The following MOB3B variants were observed in gnomAD, a reference collection of about 807,000 sequenced individuals.
MOB3B encodes MOB kinase activator-like 2B.
A neutral mutation model predicts 18.7 loss-of-function variants in MOB3B; 7 were observed. That is an observed-to-expected ratio of 0.37 (90% CI 0.21 to 0.70). The LOEUF is 0.70. MOB3B is among the 30% of genes least tolerant of loss of function. The probability of loss-of-function intolerance (pLI) is 0.52; values close to 1 mark genes in which losing one functional copy is unlikely to be tolerated. For missense variants in MOB3B, 253 were observed against 281.3 expected (o/e 0.90, Z 0.72); for synonymous variants, 111 against 99.9 (o/e 1.11, Z -0.66).
At chr9:27,337,468 C>A (rs1268566873) in intron 3 of MOB3B, among the ~76,000 whole-genome samples, 1 of 152,222 alleles carries the variant, frequency 6.6e-6, no homozygotes, top group East Asian at 1.9e-4. Context: ...CCCCTCCCAA[C>A]AGGGTCCTCA....
Position 27,455,503 on chromosome 9 carries a change from T to G in MOB3B, c.48A>C (p.Arg16=). The G allele has an allele frequency of 6.2e-7, 1 of 1,614,190 alleles. No homozygotes were observed. The highest frequency in any genetic ancestry group is 1.3e-5 in the African/African-American group (1 of 75,044). ...KQVFNKDKTF[R]PKRKFEPGTQ... ...TGCCAGGTTCAAATTTCCTCTTGGGTCGGAAGGTCTTGTCCTTGTTGAATA... is the reference window on the plus strand; with the variant it reads ...TGCCAGGTTCAAATTTCCTCTTGGGGCGGAAGGTCTTGTCCTTGTTGAATA... Residue 16 remains arginine (R), a synonymous_variant, in exon 2 of 4, where the codon CGA becomes CGC. Transcript: ENST00000262244.
At chr9:27,425,451 T>A (rs774871601) in intron 2 of MOB3B, among the ~76,000 whole-genome samples, 42 of 151,606 alleles carry the variant, frequency 2.8e-4, no homozygotes, top group Non-Finnish European at 5.1e-4. Context: ...AAATTCAGGA[T>A]TTCTCAGAAT....
chr9:27,342,389 G>C lies in MOB3B; in HGVS notation c.622-11773C>G, dbSNP rs182486569. On this transcript the variant is annotated intron_variant, in intron 3 of 3. Coordinates refer to ENST00000262244, the MANE Select transcript of MOB3B (RefSeq NM_024761.5). Reference sequence around the variant, plus strand: ...AAAACGCTTCTAAAACAAGAGTGGAGTGAACTCTACATGCCTATAGTCCCT... The same window carrying C: ...AAAACGCTTCTAAAACAAGAGTGGACTGAACTCTACATGCCTATAGTCCCT... Among the ~76,000 whole-genome samples, 573 of 152,284 alleles carry C rather than the reference G, an allele frequency of 3.8e-3. 4 individuals are homozygous for C. Among genetic ancestry groups the C allele is most frequent in the African/African-American group, 0.012 (515 of 41,548 alleles).
intron 2 of MOB3B, among the ~76,000 whole-genome samples, chr9:27,420,823 G>T (rs866525712): frequency 7.1e-6 from 1 of 141,076 alleles, no homozygotes; most frequent in African/African-American, 2.5e-5. Context: ...AGGGATAAAA[G>T]ACTTCAAATA....
At chr9:27,460,635 G>A (rs796483418) in intron 1 of MOB3B, among the ~76,000 whole-genome samples, 10 of 152,248 alleles carry the variant, frequency 6.6e-5, no homozygotes, top group Admixed American at 3.3e-4. Context: ...GAAAGGAGAG[G>A]GACTGAAGCT....
intron 2 of MOB3B, among the ~76,000 whole-genome samples, chr9:27,395,963 C>T (rs1367425666): frequency 6.6e-6 from 1 of 152,096 alleles, no homozygotes; most frequent in Non-Finnish European, 1.5e-5. Context: ...GTGAGGAAAT[C>T]ACAATTATTG....
intron 1 of MOB3B, among the ~76,000 whole-genome samples, chr9:27,523,464 C>CAAAAAAAAAAAAAAAAAAAAAAAAAAAAA (rs55637136): frequency 2.1e-5 from 3 of 141,684 alleles, no homozygotes; most frequent in African/African-American, 5.3e-5. Context: ...TAAACTGCAC[C>CAAAAAAAAAAAAAAAAAAAAAAAAAAAAA]AAAAAAAAAA....
chr9:27,528,880 T>G (rs1820483547), intron 1 of MOB3B, among the ~76,000 whole-genome samples: 1 of 151,898 alleles, frequency 6.6e-6, no homozygotes, highest in South Asian at 2.1e-4. Context: ...GAAGGGGCAA[T>G]CAAAGAAAAC....
At chr9:27,522,535 T>C (rs993695347) in intron 1 of MOB3B, among the ~76,000 whole-genome samples, 3 of 151,564 alleles carry the variant, frequency 2.0e-5, no homozygotes, top group African/African-American at 7.3e-5. Flanking sequence ...TCTATCCAAG[T>C]GACCAAATAT....
chr9:27,385,124 G>A (rs1177773888), intron 2 of MOB3B, among the ~76,000 whole-genome samples: 1 of 152,162 alleles, frequency 6.6e-6, no homozygotes, highest in Non-Finnish European at 1.5e-5. Context: ...AAGGGGATGA[G>A]GAGGGGGGCA....
chr9:27,370,311 C>G (rs1029506144), intron 2 of MOB3B, among the ~76,000 whole-genome samples: 2 of 152,030 alleles, frequency 1.3e-5, no homozygotes, highest in African/African-American at 2.4e-5. Flanking sequence ...GAATTCAAGA[C>G]CGGCCTGACC....
chr9:27,361,769 A>G (rs1049277890), intron 2 of MOB3B, among the ~76,000 whole-genome samples: 5 of 152,240 alleles, frequency 3.3e-5, no homozygotes, highest in African/African-American at 1.2e-4. Context: ...TTAGCCAGTT[A>G]GTCTGACTCC....
intron 1 of MOB3B, chr9:27,526,234 C>G (rs893499141): frequency 4.0e-4 from 61 of 152,230 alleles, no homozygotes; most frequent in Middle Eastern, 3.4e-3. Context: ...CAAATTTCAG[C>G]CAAGAAGTTA....
At chr9:27,447,371 G>A (rs1822708921) in intron 2 of MOB3B, among the ~76,000 whole-genome samples, 1 of 152,162 alleles carries the variant, frequency 6.6e-6, no homozygotes, top group Non-Finnish European at 1.5e-5. Context: ...GGCTACAAAT[G>A]ACAAATGACG....
At chr9:27,403,516 ATTTTTTT>A (rs74178385) in intron 2 of MOB3B, among the ~76,000 whole-genome samples, 3 of 79,626 alleles carry the variant, frequency 3.8e-5, no homozygotes, top group African/African-American at 9.0e-5. Flanking sequence ...CTCTTTACTA[ATTTTTTT>A]TTTTTTTTTT....
At chr9:27,369,697 G>A (rs1390378874) in intron 2 of MOB3B, among the ~76,000 whole-genome samples, 4 of 152,156 alleles carry the variant, frequency 2.6e-5, no homozygotes, top group African/African-American at 4.8e-5. Flanking sequence ...CTGAAGCTAC[G>A]ATCCTCTTTC....
At chr9:27,413,238 G>C (rs181053250) in intron 2 of MOB3B, among the ~76,000 whole-genome samples, 2 of 152,196 alleles carry the variant, frequency 1.3e-5, no homozygotes, top group Admixed American at 1.3e-4. Context: ...CAGAGAGGTC[G>C]GGGGCAAAGG....
At chr9:27,437,269 T>C (rs1002962145) in intron 2 of MOB3B, among the ~76,000 whole-genome samples, 1 of 152,200 alleles carries the variant, frequency 6.6e-6, no homozygotes, top group African/African-American at 2.4e-5. Flanking sequence ...TGGGCTACAG[T>C]TGTGCCCTTC....
intron 2 of MOB3B, among the ~76,000 whole-genome samples, chr9:27,374,239 T>C (rs1294450481): frequency 6.6e-6 from 1 of 150,568 alleles, no homozygotes; most frequent in African/African-American, 2.5e-5. Context: ...TTTTAAATAA[T>C]GAGAAACTAA....
Sources: allele counts gnomAD v4.1 joint callset (sites outside exome capture counted in the v4.1 genomes callset), GRCh38; gene constraint gnomAD v4.1.1; transcripts MANE v1.5; gene names NCBI Gene and HGNC (gene_info 2026-07-23, HGNC 2026-07-21).